The following BCO1 variants were observed in gnomAD, a reference collection of about 807,000 sequenced individuals.
BCO1 encodes beta-carotene oxygenase 1.
BCO1 carries 54 observed loss-of-function variants against 56.3 expected under a neutral mutation model. That is an observed-to-expected ratio of 0.96 (90% CI 0.77 to 1.20). The LOEUF (loss-of-function observed/expected upper bound fraction) is 1.20, where lower values mean the gene tolerates loss of function less well. Ranked by LOEUF, BCO1 falls within the 50% of genes most tolerant of loss-of-function variation. The pLI is 0.00. For missense variants in BCO1, 801 were observed against 690.9 expected, an observed-to-expected ratio of 1.16 and a Z score of -1.79; for synonymous variants, 318 against 266.1, an observed-to-expected ratio of 1.20 and a Z score of -1.90.
intron 1 of BCO1, among the ~76,000 whole-genome samples, chr16:81,241,716 G>C (rs927457587): frequency 6.6e-6 from 1 of 152,202 alleles, no homozygotes; most frequent in Non-Finnish European, 1.5e-5. Context: ...GCCAAGGCCA[G>C]GCAGCCTGCA....
At position 81,280,320 on chromosome 16, in the gene BCO1, C is replaced by G. The variant is rs868625285; in HGVS notation, c.1102-537C>G. On this transcript the variant is annotated intron_variant, in intron 7 of 10. Coordinates refer to ENST00000258168, the MANE Select transcript of BCO1 (RefSeq NM_017429.3). ...AAAAAAAAAAAAAATTACACACACACACAGACACACACACACACACACACA... is the reference window on the plus strand; with the variant it reads ...AAAAAAAAAAAAAATTACACACACAGACAGACACACACACACACACACACA... 5.7e-3 allele frequency among the ~76,000 whole-genome samples: 205 copies of G among 35,722 alleles called. 5 individuals are homozygous for G. The highest frequency in any genetic ancestry group is 0.014 in the African/African-American group (200 of 14,434). The allele number at this position is 35,722 out of a possible 152,430, so 23.4% of individuals were successfully genotyped here. A position where few individuals can be genotyped will look rare whatever the true frequency, so the allele number is the denominator to read the frequency against.
At chr16:81,251,702 C>T (rs1229052958) in intron 2 of BCO1, among the ~76,000 whole-genome samples, 2 of 151,908 alleles carry the variant, frequency 1.3e-5, no homozygotes, top group Admixed American at 6.6e-5. Context: ...AAAGTTTTTA[C>T]AAAGCACGCA....
chr16:81,266,881 G>A (rs558306620), intron 5 of BCO1, among the ~76,000 whole-genome samples: 6 of 152,292 alleles, frequency 3.9e-5, no homozygotes, highest in Admixed American at 3.3e-4. Flanking sequence ...TTATAAAGAC[G>A]ATAACTATCC....
chr16:81,264,891 CT>C, intron 5 of BCO1, 104 bp downstream of exon 5: 1 of 1,324,992 alleles, frequency 7.5e-7, no homozygotes, highest in East Asian at 2.4e-5. Context: ...GTGGTACTTT[CT>C]CCCGTAGATT....
chr16:81,264,882 T>A (rs1383201776), intron 5 of BCO1, 95 bp downstream of exon 5: 2 of 1,395,418 alleles, frequency 1.4e-6, no homozygotes, highest in Non-Finnish European at 2.0e-6. Flanking sequence ...AGATCCAGTG[T>A]GGTACTTTCT....
rs895983618 is a variant in BCO1, at chr16:81,259,795, A to G, written c.313A>G (p.Ile105Val). The change falls in exon 3 of 11, where the codon ATA (isoleucine) becomes GTA (valine). Residue 105 changes from isoleucine (I) to valine (V), a missense_variant. Ile to Val is a conservative substitution (Grantham distance 29, BLOSUM62 3). Transcript: ENST00000258168. ...TMAYPDPCKN[I>V]FSKAFSYLSH... ...GGCCTATCCGGACCCCTGCAAAAAC[A>G]TATTTTCCAAGTAACTGCCTATTTT... 5.6e-6 allele frequency: 9 copies of G among 1,614,102 alleles called. No homozygotes were observed. Among genetic ancestry groups the G allele is most frequent in the Non-Finnish European group, 7.6e-6 (9 of 1,180,040 alleles).
chr16:81,256,103 A>G (rs1009949119), intron 2 of BCO1, among the ~76,000 whole-genome samples: 2 of 150,252 alleles, frequency 1.3e-5, no homozygotes, highest in Admixed American at 6.7e-5. Context: ...GGCATGAGGC[A>G]CTGCGCATGG....
intron 4 of BCO1, among the ~76,000 whole-genome samples, chr16:81,264,418 A>G (rs1293289100): frequency 6.6e-6 from 1 of 152,150 alleles, no homozygotes; most frequent in Non-Finnish European, 1.5e-5. Flanking sequence ...TCCCCATGTG[A>G]GGTTGTATAA....
At chr16:81,284,580 T>C (rs981520336) in intron 8 of BCO1, among the ~76,000 whole-genome samples, 22 of 152,068 alleles carry the variant, frequency 1.4e-4, no homozygotes, top group Admixed American at 1.1e-3. Context: ...AATGTTATTA[T>C]AGAATTCACC....
chr16:81,262,576 C>G (rs962047875), intron 4 of BCO1: 1 of 384,610 alleles, frequency 2.6e-6, no homozygotes, highest in Non-Finnish European at 5.0e-6. Context: ...ACCTGTAATT[C>G]CAGCACTTTG....
intron 6 of BCO1, 35 bp from the exon 7 acceptor site, chr16:81,270,124 G>A (rs1231129349): frequency 1.2e-6 from 2 of 1,613,478 alleles, no homozygotes; most frequent in Admixed American, 1.7e-5. Context: ...GCTGAGAGAG[G>A]GTGAGCTGAG....
chr16:81,270,639 G>A (rs1425386022), intron 7 of BCO1, among the ~76,000 whole-genome samples: 1 of 145,256 alleles, frequency 6.9e-6, no homozygotes, highest in African/African-American at 2.5e-5. Context: ...ACCTACCACC[G>A]AAGATGATCA....
At chr16:81,272,304 G>C (rs1022314848) in intron 7 of BCO1, among the ~76,000 whole-genome samples, 3 of 151,306 alleles carry the variant, frequency 2.0e-5, no homozygotes, top group African/African-American at 7.3e-5. Context: ...TTTTTTAGTA[G>C]AGACAGGGTT....
intron 2 of BCO1, among the ~76,000 whole-genome samples, chr16:81,246,192 C>G (rs1022220232): frequency 1.3e-5 from 2 of 152,090 alleles, no homozygotes; most frequent in African/African-American, 4.8e-5. Context: ...TCTCTCCTTC[C>G]ATCCTCACAC....
At chr16:81,271,429 A>G (rs1907210863) in intron 7 of BCO1, among the ~76,000 whole-genome samples, 1 of 152,132 alleles carries the variant, frequency 6.6e-6, no homozygotes, top group Admixed American at 6.5e-5. Flanking sequence ...TTGCCCATTT[A>G]AAGTGTTTGA....
chr16:81,274,595 G>A (rs1246492541), intron 7 of BCO1, among the ~76,000 whole-genome samples: 1 of 151,854 alleles, frequency 6.6e-6, no homozygotes, highest in Admixed American at 6.6e-5. Flanking sequence ...AAGCCATCAG[G>A]TGTTCAGGCA....
intron 6 of BCO1, among the ~76,000 whole-genome samples, 159 bp from the exon 7 acceptor site, chr16:81,269,999 CT>C (rs1907083852): frequency 6.6e-6 from 1 of 152,186 alleles, no homozygotes; most frequent in South Asian, 2.1e-4. Context: ...TTGGGGGGCA[CT>C]TTTGCCTGTC....
intron 6 of BCO1, 119 bp from the exon 7 acceptor site, chr16:81,270,040 A>C: frequency 7.7e-7 from 1 of 1,295,978 alleles, no homozygotes; most frequent in Non-Finnish European, 1.1e-6. Context: ...CAGAATGCAG[A>C]ATGGGGACAT....
At chr16:81,245,625 C>T in intron 2 of BCO1, 22 bp downstream of exon 2, 1 of 1,613,958 alleles carries the variant, frequency 6.2e-7, no homozygotes, top group Non-Finnish European at 8.5e-7. Context: ...CACGAGTGTG[C>T]TGCCACTGCT....
Sources: allele counts gnomAD v4.1 joint callset (sites outside exome capture counted in the v4.1 genomes callset), GRCh38; gene constraint gnomAD v4.1.1; transcripts MANE v1.5; gene names NCBI Gene and HGNC (gene_info 2026-07-23, HGNC 2026-07-21).